The following NFE2L3 variants were observed in gnomAD, a reference collection of about 807,000 sequenced individuals.
NFE2L3 encodes NFE2 like bZIP transcription factor 3.
Under a neutral mutation model 23.5 loss-of-function variants are expected in NFE2L3, and 18 were observed. That is an observed-to-expected ratio of 0.77 (90% CI 0.53 to 1.13). NFE2L3 has a LOEUF of 1.13. Ranked by LOEUF, NFE2L3 falls within the 50% of genes most tolerant of loss-of-function variation. The pLI is 0.00. For missense variants in NFE2L3, 1,152 were observed against 877.2 expected, an observed-to-expected ratio of 1.31 and a Z score of -3.96; for synonymous variants, 424 against 354.5, an observed-to-expected ratio of 1.20 and a Z score of -2.20.
intron 1 of NFE2L3, among the ~76,000 whole-genome samples, chr7:26,158,319 A>G (rs564520144): frequency 6.6e-6 from 1 of 152,250 alleles, no homozygotes; most frequent in Non-Finnish European, 1.5e-5. Context: ...CTTCCTTCCT[A>G]TCTTAACTTA....
chr7:26,163,459 G>A (rs955404811), intron 1 of NFE2L3, among the ~76,000 whole-genome samples: 1 of 152,126 alleles, frequency 6.6e-6, no homozygotes, highest in Non-Finnish European at 1.5e-5. Context: ...CAATTCTCCT[G>A]CCTCAGCCTC....
chr7:26,185,310 G>A lies in NFE2L3; in HGVS notation c.1612G>A (p.Asp538Asn). ...LEDTDRNLSRDEQRAKALHIP... is the reference protein window; with the variant it reads ...LEDTDRNLSRNEQRAKALHIP... ...AGACACAGATAGAAACTTGAGCCGT[G>A]ATGAACAGCGTGCTAAAGCTTTGCA... is the stretch of plus-strand genomic sequence containing the variant. Residue 538 changes from aspartate to asparagine, a missense_variant, in exon 4 of 4, where the codon GAT becomes AAT. Physicochemically the swap from Asp to Asn is conservative, Grantham distance 23. Transcript: ENST00000056233. 1 of 1,614,118 alleles carries A rather than the reference G, an allele frequency of 6.2e-7. No individual in the cohort carries two copies. Among genetic ancestry groups the A allele is most frequent in the South Asian group, 1.1e-5 (1 of 91,072 alleles).
chr7:26,161,351 TTTTTTTTTTTTTTG>T (rs1362570917), intron 1 of NFE2L3, among the ~76,000 whole-genome samples: 11 of 101,064 alleles, frequency 1.1e-4, no homozygotes, highest in South Asian at 1.0e-3. Flanking sequence ...TTTTTTTTTT[TTTTTTTTTTTTTTG>T]GGTCTTACCT....
At chr7:26,162,734 A>T (rs539018096) in intron 1 of NFE2L3, among the ~76,000 whole-genome samples, 2 of 149,754 alleles carry the variant, frequency 1.3e-5, no homozygotes, top group East Asian at 3.9e-4. Flanking sequence ...TTTTTCTGAG[A>T]CAGGGTCTAA....
intron 1 of NFE2L3, among the ~76,000 whole-genome samples, chr7:26,175,913 G>T (rs1379182377): frequency 6.8e-6 from 1 of 148,146 alleles, no homozygotes; most frequent in African/African-American, 2.5e-5. Flanking sequence ...TGGAGAGGGG[G>T]ATGTGGCAGG....
intron 1 of NFE2L3, chr7:26,174,423 A>C (rs1167414461): frequency 6.6e-6 from 1 of 152,222 alleles, no homozygotes; most frequent in Non-Finnish European, 1.5e-5. Context: ...GGCTGATGCG[A>C]ATTGTCCAGT....
chr7:26,179,543 C>T (rs374640249), intron 2 of NFE2L3, among the ~76,000 whole-genome samples: 3 of 149,332 alleles, frequency 2.0e-5, no homozygotes, highest in African/African-American at 2.5e-5. Context: ...TTTCCAAGAA[C>T]GCTGAACCAA....
In NFE2L3 at chr7:26,185,151, T is replaced by A. The variant is rs772935481; in HGVS notation, c.1453T>A (p.Phe485Ile). The change falls in exon 4 of 4, where the codon TTC (phenylalanine) becomes ATC (isoleucine). Residue 485 changes from phenylalanine (F) to isoleucine (I), a missense_variant. By Grantham distance (21) the Phe-to-Ile change is conservative. Coordinates refer to ENST00000056233, the MANE Select transcript of NFE2L3 (RefSeq NM_004289.7). ...LCHLDQSDSD[F>I]HGDLTFQHVF... is the part of the protein sequence containing the mutation. The stretch of plus-strand genomic sequence containing the variant: ...TCACTTGGATCAAAGTGATTCTGAT[T>A]TCCATGGAGATCTTACATTTCAACA... 2 of 1,613,870 alleles carry A rather than the reference T, an allele frequency of 1.2e-6. No homozygotes were observed. Among genetic ancestry groups the A allele is most frequent in the Admixed American group, 1.7e-5 (1 of 60,012 alleles).
At chr7:26,161,332 TCTC>T (rs1254609455) in intron 1 of NFE2L3, among the ~76,000 whole-genome samples, 19 of 132,016 alleles carry the variant, frequency 1.4e-4, no homozygotes, top group Admixed American at 2.5e-4. Context: ...TTAGCTTCTC[TCTC>T]TTTTTTTTTT....
chr7:26,159,656 T>A (rs916843214), intron 1 of NFE2L3, among the ~76,000 whole-genome samples: 3 of 152,208 alleles, frequency 2.0e-5, no homozygotes, highest in Non-Finnish European at 4.4e-5. Flanking sequence ...GTAGGTCAGA[T>A]CTGAAATCCT....
At chr7:26,155,536 C>A (rs1015614382) in intron 1 of NFE2L3, among the ~76,000 whole-genome samples, 1 of 152,096 alleles carries the variant, frequency 6.6e-6, no homozygotes, top group African/African-American at 2.4e-5. Flanking sequence ...GAGACCAGAG[C>A]CTGAGTCTCT....
chr7:26,155,636 T>C (rs1001946862), intron 1 of NFE2L3, among the ~76,000 whole-genome samples: 3 of 152,048 alleles, frequency 2.0e-5, no homozygotes, highest in African/African-American at 4.8e-5. Flanking sequence ...TGGGATGGGG[T>C]GACTCAGCCT....
intron 1 of NFE2L3, among the ~76,000 whole-genome samples, chr7:26,162,772 G>T (rs1329817526): frequency 6.6e-6 from 1 of 151,708 alleles, no homozygotes; most frequent in Non-Finnish European, 1.5e-5. Flanking sequence ...GAGTGCAGTG[G>T]CATAATCAGG....
rs1782458837 is a variant in NFE2L3, at chr7:26,185,457, A to G, written c.1759A>G (p.Lys587Glu). The change falls in exon 4 of 4, where the codon AAA becomes GAA. Residue 587 changes from lysine (K) to glutamate (E), a missense_variant. Physicochemically the swap from Lys to Glu is moderately conservative, Grantham distance 56. Transcript: ENST00000056233. ...TATCCGTGACATCAGACGAAGAGGG[A>G]AAAATAAAGTTGCTGCGCAGAACTG... ...SLIRDIRRRG[K>E]NKVAAQNCRK... is the part of the protein sequence containing the mutation. 1 of 1,614,116 alleles carries G rather than the reference A, an allele frequency of 6.2e-7. No individual in the cohort carries two copies. Among genetic ancestry groups the G allele is most frequent in the East Asian group, 2.2e-5 (1 of 44,888 alleles).
chr7:26,157,942 T>C (rs1784107930), intron 1 of NFE2L3, among the ~76,000 whole-genome samples: 1 of 152,242 alleles, frequency 6.6e-6, no homozygotes, highest in South Asian at 2.1e-4. Flanking sequence ...CATTCCTTGG[T>C]TTCTTCTCCA....
Position 26,185,300 on chromosome 7 carries a change from C to T in NFE2L3, c.1602C>T (p.Asn534=). The change falls in exon 4 of 4, where the codon AAC becomes AAT. Residue 534 remains asparagine (N), a synonymous_variant. Coordinates refer to ENST00000056233, the MANE Select transcript of NFE2L3 (RefSeq NM_004289.7). ...GATACCTTGAAGACACAGATAGAAA[C>T]TTGAGCCGTGATGAACAGCGTGCTA... is the stretch of plus-strand genomic sequence containing the variant. The part of the protein sequence containing the change: ...RSRYLEDTDR[N]LSRDEQRAKA... 1 of 1,614,138 alleles carries T rather than the reference C, an allele frequency of 6.2e-7. No individual in the cohort carries two copies. Among genetic ancestry groups the T allele is most frequent in the Non-Finnish European group, 8.5e-7 (1 of 1,180,004 alleles).
At chr7:26,157,350 T>TC (rs1220926329) in intron 1 of NFE2L3, among the ~76,000 whole-genome samples, 1 of 151,934 alleles carries the variant, frequency 6.6e-6, no homozygotes, top group Non-Finnish European at 1.5e-5. Context: ...GCTGATTTTT[T>TC]TTTTTTTTAA....
At position 26,185,386 on chromosome 7, in the gene NFE2L3, ATAG is replaced by A. The variant is rs1782456050; in HGVS notation, c.1689_1691del (p.Ser564del). On this transcript the variant is annotated inframe_deletion, in exon 4 of 4. Coordinates refer to ENST00000056233, the MANE Select transcript of NFE2L3 (RefSeq NM_004289.7). ...GTCGGCATGCCTGTTGATTCTTTCA[ATAG>A]CATGTTAAGTAGATATTATCTGACA... The A allele has an allele frequency of 6.2e-7, 1 of 1,614,014 alleles. No individual in the cohort carries two copies. The highest frequency in any genetic ancestry group is 8.5e-7 in the Non-Finnish European group (1 of 1,180,012).
chr7:26,154,409 A>C (rs952852878), intron 1 of NFE2L3, among the ~76,000 whole-genome samples: 15 of 151,952 alleles, frequency 9.9e-5, no homozygotes, highest in Admixed American at 8.5e-4. Flanking sequence ...ACCAGATGGC[A>C]CTCTGCCACC....
Sources: gnomAD v4.1 joint callset for allele counts (sites outside exome capture counted in the v4.1 genomes callset) on GRCh38, gnomAD v4.1.1 for gene constraint, MANE v1.5 for transcripts, NCBI Gene and HGNC (gene_info 2026-07-23, HGNC 2026-07-21) for gene names.